Variants in COL19A1 observed in about 807,000 individuals in gnomAD.
COL19A1 encodes collagen alpha-1(XIX) chain.
COL19A1 carries 159 observed loss-of-function variants against 190.2 expected under a neutral mutation model. The ratio of observed to expected loss-of-function variants is 0.84; its 90% CI spans 0.73 to 0.95. COL19A1 has a LOEUF of 0.95. COL19A1 is among the 40% of genes least tolerant of loss of function. COL19A1 has a pLI of 0.00. For synonymous variants in COL19A1, 509 were observed against 458.9 expected (o/e 1.11, Z -1.39); for missense variants, 1,418 against 1,431.9 (o/e 0.99, Z 0.16).
At chr6:69,923,830 TA>T (rs993221694) in intron 4 of COL19A1, among the ~76,000 whole-genome samples, 2 of 152,164 alleles carry the variant, frequency 1.3e-5, no homozygotes, top group African/African-American at 4.8e-5. Flanking sequence ...CCTGAACATT[TA>T]AGGTATTTTC....
intron 44 of COL19A1, 60 bp from the exon 45 acceptor site, chr6:70,184,643 T>G: frequency 7.5e-7 from 1 of 1,336,084 alleles, no homozygotes; most frequent in Non-Finnish European, 1.1e-6. Flanking sequence ...CCTTATGCTT[T>G]TGTTGTGTTT....
chr6:70,148,902 G>C (rs148942193), intron 27 of COL19A1, among the ~76,000 whole-genome samples: 2,211 of 149,522 alleles, frequency 0.015, 56 homozygotes, highest in African/African-American at 0.049. Context: ...ACTTCAGCCT[G>C]GGTGACAGAG....
At chr6:70,071,396 T>A (rs1173178272) in intron 15 of COL19A1, among the ~76,000 whole-genome samples, 1 of 152,184 alleles carries the variant, frequency 6.6e-6, no homozygotes, top group Non-Finnish European at 1.5e-5. Context: ...TTTAAGCTGC[T>A]AAATCTTAGT....
chr6:69,973,444 G>A (rs142170969), intron 11 of COL19A1, among the ~76,000 whole-genome samples: 1 of 151,892 alleles, frequency 6.6e-6, no homozygotes, highest in African/African-American at 2.4e-5. Context: ...TCATTTTTTC[G>A]CATATTTTTG....
At chr6:70,132,670 C>T (rs1043704341) in intron 18 of COL19A1, among the ~76,000 whole-genome samples, 5 of 152,080 alleles carry the variant, frequency 3.3e-5, no homozygotes, top group African/African-American at 9.7e-5. Context: ...ACAAAATACC[C>T]ACACTCAGGC....
At chr6:70,145,442 A>G (rs1297974703) in intron 25 of COL19A1, among the ~76,000 whole-genome samples, 2 of 152,168 alleles carry the variant, frequency 1.3e-5, no homozygotes, top group Non-Finnish European at 2.9e-5. Context: ...GAAATACTAC[A>G]TGTCCTCACT....
At chr6:69,990,700 G>A (rs932922898) in intron 11 of COL19A1, among the ~76,000 whole-genome samples, 12 of 152,024 alleles carry the variant, frequency 7.9e-5, no homozygotes, top group African/African-American at 2.4e-4. Flanking sequence ...CAGTTTAGGT[G>A]TGATGTTTTT....
intron 16 of COL19A1, among the ~76,000 whole-genome samples, 181 bp downstream of exon 16, chr6:70,102,403 C>T (rs1321929966): frequency 6.6e-6 from 1 of 152,132 alleles, no homozygotes; most frequent in African/African-American, 2.4e-5. Context: ...CCATCATCAC[C>T]ACAAACCAAG....
chr6:69,984,797 G>A (rs1776226844), intron 11 of COL19A1, among the ~76,000 whole-genome samples: 1 of 152,098 alleles, frequency 6.6e-6, no homozygotes, highest in South Asian at 2.1e-4. Flanking sequence ...AAGATTATTT[G>A]TTTCCTTGGG....
rs77555811 is a variant in COL19A1, at chr6:70,161,791, C to T, written c.2293-109C>T. 6,412 of 651,588 alleles carry T rather than the reference C, an allele frequency of 9.8e-3. 317 individuals are homozygous for T. In the African/African-American group the frequency reaches 0.1, roughly 11 times the overall value. The allele number at this position is 651,588 out of a possible 1,614,324, so 40.4% of individuals were successfully genotyped here. ...TGTATATGACAAACATTATGTTTCT[C>T]GATTAGCTAAATAAGTGTTTAATGT... On this transcript the variant is annotated intron_variant, in intron 34 of 50. Coordinates refer to ENST00000620364, the MANE Select transcript of COL19A1 (RefSeq NM_001858.6).
intron 15 of COL19A1, chr6:70,098,487 G>T: frequency 2.0e-6 from 1 of 498,192 alleles, no homozygotes; most frequent in South Asian, 1.5e-5. Flanking sequence ...ATATTCAGGT[G>T]CCTCATTCGA....
intron 1 of COL19A1, 149 bp from the exon 2 acceptor site, chr6:69,879,387 A>G: frequency 1.7e-6 from 1 of 587,140 alleles, no homozygotes. Flanking sequence ...ATATATTGAG[A>G]TACACCATTG....
rs1303663997 is a variant in COL19A1 at position 70,207,220 on chromosome 6, A to G, written c.3375A>G (p.Pro1125=). The G allele has an allele frequency of 5.6e-6, 9 of 1,613,934 alleles. No homozygotes were observed. The highest frequency in any genetic ancestry group is 2.2e-5 in the East Asian group (1 of 44,886). ...CAGGACCCAGTGGAAGATGTAACCCAGAAGATTGCCTCTATCCTGTGTCTC... is the reference window on the plus strand; with the variant it reads ...CAGGACCCAGTGGAAGATGTAACCCGGAAGATTGCCTCTATCCTGTGTCTC... ...GPPGPSGRCN[P]EDCLYPVSHA... is the part of the protein sequence containing the mutation. Residue 1125 remains proline, a synonymous_variant, in exon 51 of 51, where the codon CCA becomes CCG. Coordinates refer to ENST00000620364, the MANE Select transcript of COL19A1 (RefSeq NM_001858.6).
At chr6:70,023,731 T>C in intron 12 of COL19A1, 51 bp downstream of exon 12, 1 of 1,523,096 alleles carries the variant, frequency 6.6e-7, no homozygotes, top group Non-Finnish European at 9.0e-7. Flanking sequence ...ACCACTAAGA[T>C]ATGCTATTTA....
chr6:69,921,583 C>A (rs1269801528), intron 4 of COL19A1, among the ~76,000 whole-genome samples: 1 of 139,758 alleles, frequency 7.2e-6, no homozygotes, highest in Non-Finnish European at 1.5e-5. Context: ...CATATATATT[C>A]GCACATAGAT....
intron 14 of COL19A1, among the ~76,000 whole-genome samples, chr6:70,054,363 C>G (rs1273691402): frequency 6.6e-6 from 1 of 151,982 alleles, no homozygotes; most frequent in Non-Finnish European, 1.5e-5. Flanking sequence ...AACAAACAAA[C>G]AAAAAAGATA....
At chr6:70,030,942 C>T (rs1779028820) in intron 12 of COL19A1, among the ~76,000 whole-genome samples, 1 of 152,208 alleles carries the variant, frequency 6.6e-6, no homozygotes, top group Non-Finnish European at 1.5e-5. Flanking sequence ...CCCACTCTTG[C>T]TGCCCATAAT....
chr6:69,945,163 G>C (rs1207348201), intron 9 of COL19A1, among the ~76,000 whole-genome samples: 1 of 151,972 alleles, frequency 6.6e-6, no homozygotes, highest in Non-Finnish European at 1.5e-5. Flanking sequence ...TAATTTTCCA[G>C]TTTATTTTTC....
At chr6:70,151,141 G>A (rs1331278924) in intron 30 of COL19A1, among the ~76,000 whole-genome samples, 1 of 152,144 alleles carries the variant, frequency 6.6e-6, no homozygotes, top group East Asian at 1.9e-4. Flanking sequence ...GGGATGCACA[G>A]TCAAAACTAT....
Sources: allele counts gnomAD v4.1 joint callset (sites outside exome capture counted in the v4.1 genomes callset), GRCh38; gene constraint gnomAD v4.1.1; transcripts MANE v1.5; gene names NCBI Gene and HGNC (gene_info 2026-07-23, HGNC 2026-07-21).